The following DNAH11 variants were observed in gnomAD, a reference collection of about 807,000 sequenced individuals.
DNAH11 encodes dynein axonemal heavy chain 11.
DNAH11 carries 442 observed loss-of-function variants against 526.0 expected under a neutral mutation model. The ratio of observed to expected loss-of-function variants is 0.84; its 90% CI spans 0.78 to 0.91. The LOEUF is 0.91. Ranked by LOEUF, DNAH11 falls within the 40% of genes least tolerant of loss-of-function variation. DNAH11 has a pLI of 0.00. For synonymous variants in DNAH11, 2,461 were observed against 1,935.9 expected, an observed-to-expected ratio of 1.27 and a Z score of -7.12; for missense variants, 6,989 against 5,448.7, an observed-to-expected ratio of 1.28 and a Z score of -8.90.
intron 63 of DNAH11, among the ~76,000 whole-genome samples, chr7:21,813,830 C>G (rs1358981076): frequency 1.3e-5 from 2 of 152,142 alleles, no homozygotes; most frequent in African/African-American, 4.8e-5. Context: ...TTAAAGGGTT[C>G]CCTCTTTGCA....
Position 21,543,295 on chromosome 7 carries a change from C to A in DNAH11, c.50C>A (p.Pro17Gln), listed in dbSNP as rs1358408381. ...AREARDFREAPTLRLTSGAGL... is the reference protein window; with the variant it reads ...AREARDFREAQTLRLTSGAGL... The stretch of plus-strand genomic sequence containing the variant: ...GAGGCGCGAGACTTCAGAGAAGCCC[C>A]GACCCTTCGCCTAACCTCGGGGGCC... Residue 17 changes from proline to glutamine, a missense_variant, in exon 1 of 82, where the codon CCG (proline) becomes CAG (glutamine). By Grantham distance (76) the Pro-to-Gln change is moderately conservative. Coordinates refer to ENST00000409508, the MANE Select transcript of DNAH11 (RefSeq NM_001277115.2). 1.3e-6 allele frequency: 2 copies of A among 1,548,272 alleles called. No homozygotes were observed. Among genetic ancestry groups the A allele is most frequent in the African/African-American group, 1.4e-5 (1 of 73,090 alleles).
At chr7:21,851,436 ACATCCAGGTCAT>A in intron 66 of DNAH11, 1 of 399,194 alleles carries the variant, frequency 2.5e-6, no homozygotes, top group South Asian at 1.9e-5. Flanking sequence ...GCAGATTAAT[ACATCCAGGTCAT>A]ATTAGGCACT....
At chr7:21,777,565 G>T (rs765198505) in intron 56 of DNAH11, among the ~76,000 whole-genome samples, 1 of 152,072 alleles carries the variant, frequency 6.6e-6, no homozygotes, top group Non-Finnish European at 1.5e-5. Flanking sequence ...TTCTCAGCTC[G>T]CTTGCAATAA....
rs148833681 is a variant in DNAH11, at chr7:21,636,918, T to G, written c.4726-693T>G. Among the ~76,000 whole-genome samples, 797 of 152,160 alleles carry G rather than the reference T, an allele frequency of 5.2e-3. 8 individuals are homozygous for G. The highest frequency in any genetic ancestry group is 0.018 in the African/African-American group (760 of 41,518). ...TAGAAAATAACACTACTAGTTTCGG[T>G]TTTTCTTTTCTGTAAAAGCCATAGA... On this transcript the variant is annotated intron_variant, in intron 26 of 81. Coordinates refer to ENST00000409508, the MANE Select transcript of DNAH11 (RefSeq NM_001277115.2).
chr7:21,545,295 AAGC>A, intron 2 of DNAH11, 146 bp downstream of exon 2: 4 of 704,020 alleles, frequency 5.7e-6, no homozygotes, highest in African/African-American at 3.9e-5. Flanking sequence ...AAAAAAAAAA[AAGC>A]TTGTAGAAGC....
At chr7:21,679,624 T>A (rs969729036) in intron 30 of DNAH11, among the ~76,000 whole-genome samples, 1 of 152,192 alleles carries the variant, frequency 6.6e-6, no homozygotes, top group Admixed American at 6.5e-5. Context: ...TTTATTTCTT[T>A]AAGCCAGCTT....
chr7:21,589,052 C>A (rs1227889853), intron 11 of DNAH11, among the ~76,000 whole-genome samples, 156 bp from the exon 12 acceptor site: 2 of 152,054 alleles, frequency 1.3e-5, no homozygotes, highest in Non-Finnish European at 1.5e-5. Flanking sequence ...TCTTTTAAAG[C>A]AAAAGCAATT....
intron 66 of DNAH11, 125 bp from the exon 67 acceptor site, chr7:21,852,342 C>T (rs534173864): frequency 1.7e-5 from 16 of 926,606 alleles, no homozygotes; most frequent in Non-Finnish European, 2.3e-5. Context: ...AGGAGGCACA[C>T]GTCGCAGTGA....
At chr7:21,722,884 G>A (rs971936420) in intron 44 of DNAH11, among the ~76,000 whole-genome samples, 2 of 152,040 alleles carry the variant, frequency 1.3e-5, no homozygotes, top group African/African-American at 2.4e-5. Context: ...TGTTGATAGC[G>A]GACATCTTCC....
chr7:21,584,959 T>C (rs991934011), intron 9 of DNAH11, among the ~76,000 whole-genome samples: 3 of 151,944 alleles, frequency 2.0e-5, no homozygotes, highest in Middle Eastern at 3.4e-3. Flanking sequence ...AAAAAAAATG[T>C]AGAGTGAAAT....
intron 76 of DNAH11, among the ~76,000 whole-genome samples, chr7:21,890,699 T>C (rs554089250): frequency 1.3e-5 from 2 of 152,328 alleles, no homozygotes; most frequent in South Asian, 4.1e-4. Flanking sequence ...TTAACTCTCC[T>C]GTACCATTTT....
chr7:21,600,978 A>G (rs776585861), intron 16 of DNAH11, 32 bp from the exon 17 acceptor site: 1 of 1,610,476 alleles, frequency 6.2e-7, no homozygotes, highest in Non-Finnish European at 8.5e-7. Flanking sequence ...CTTTTCACTG[A>G]GTTGTTCTAA....
intron 55 of DNAH11, among the ~76,000 whole-genome samples, chr7:21,768,912 T>C (rs1787300170): frequency 6.6e-6 from 1 of 152,346 alleles, no homozygotes; most frequent in South Asian, 2.1e-4. Flanking sequence ...AGCACAGTTC[T>C]TTATTTGAAA....
intron 40 of DNAH11, among the ~76,000 whole-genome samples, chr7:21,710,180 A>G (rs1055567423): frequency 6.6e-6 from 1 of 152,204 alleles, no homozygotes; most frequent in Non-Finnish European, 1.5e-5. Context: ...CAAATATTTG[A>G]TCTAAAATGG....
chr7:21,689,191 G>C (rs528160389), intron 34 of DNAH11, among the ~76,000 whole-genome samples: 2 of 152,262 alleles, frequency 1.3e-5, no homozygotes, highest in South Asian at 4.1e-4. Context: ...TTTGTTCTTA[G>C]ATCTCCAGCT....
intron 74 of DNAH11, among the ~76,000 whole-genome samples, chr7:21,879,352 G>C (rs758849571): frequency 5.9e-5 from 9 of 152,074 alleles, no homozygotes; most frequent in Non-Finnish European, 1.2e-4. Flanking sequence ...AGCTACTCGG[G>C]AGGCTGAGGC....
chr7:21,545,779 G>C (rs73064436), intron 2 of DNAH11, among the ~76,000 whole-genome samples: 15,248 of 152,194 alleles, frequency 0.1, 953 homozygotes, highest in Non-Finnish European at 0.15. Context: ...AGTGGAGCCC[G>C]AGGTTCTGCA....
intron 28 of DNAH11, among the ~76,000 whole-genome samples, chr7:21,649,040 C>T (rs773952215): frequency 4.6e-5 from 7 of 151,842 alleles, no homozygotes; most frequent in Non-Finnish European, 8.8e-5. Flanking sequence ...GTAGATATTT[C>T]CTAAATTGTT....
chr7:21,766,726 C>T (rs868329461), intron 55 of DNAH11, among the ~76,000 whole-genome samples: 7 of 146,492 alleles, frequency 4.8e-5, no homozygotes, highest in Non-Finnish European at 1.0e-4. Context: ...AAAAAAAAAG[C>T]AGCTATAGAG....
Sources: allele counts gnomAD v4.1 joint callset (sites outside exome capture counted in the v4.1 genomes callset), GRCh38; gene constraint gnomAD v4.1.1; transcripts MANE v1.5; gene names NCBI Gene and HGNC (gene_info 2026-07-23, HGNC 2026-07-21).